The following RCOR1 variants were observed in gnomAD, a reference collection of about 807,000 sequenced individuals.
RCOR1 encodes the protein REST corepressor.
Under a neutral mutation model 64.0 loss-of-function variants are expected in RCOR1, and 12 were observed. That is an observed-to-expected ratio of 0.19 (90% CI 0.12 to 0.30). The LOEUF (loss-of-function observed/expected upper bound fraction) is 0.30. RCOR1 is among the 10% of genes least tolerant of loss of function. The pLI is 1.00. For missense variants in RCOR1, 502 were observed against 621.2 expected (o/e 0.81, Z 2.04); for synonymous variants, 279 against 227.2 (o/e 1.23, Z -2.05).
At chr14:102,619,786 A>T (rs753034450) in intron 2 of RCOR1, among the ~76,000 whole-genome samples, 2 of 152,010 alleles carry the variant, frequency 1.3e-5, no homozygotes, top group African/African-American at 2.4e-5. Flanking sequence ...TGGCCTGTTA[A>T]GTATTACCAT....
At chr14:102,679,062 T>TA (rs1437007547) in intron 2 of RCOR1, among the ~76,000 whole-genome samples, 2 of 152,226 alleles carry the variant, frequency 1.3e-5, no homozygotes, top group Non-Finnish European at 2.9e-5. Flanking sequence ...AATATTTTCT[T>TA]ACAGTCCGTA....
intron 2 of RCOR1, among the ~76,000 whole-genome samples, chr14:102,628,250 A>G (rs182831102): frequency 3.3e-4 from 50 of 152,306 alleles, no homozygotes; most frequent in African/African-American, 1.2e-3. Context: ...ACGGATTCAA[A>G]TGTTCATTTT....
chr14:102,696,831 T>TA (rs1555466796), intron 3 of RCOR1, among the ~76,000 whole-genome samples: 16 of 143,148 alleles, frequency 1.1e-4, no homozygotes, highest in African/African-American at 3.5e-4. Flanking sequence ...TTTTTTTTTT[T>TA]ATAAGGGTAG....
chr14:102,640,787 C>A (rs1203041963), intron 2 of RCOR1, among the ~76,000 whole-genome samples: 1 of 148,724 alleles, frequency 6.7e-6, no homozygotes, highest in Non-Finnish European at 1.5e-5. Context: ...ATAGTGAAAC[C>A]CCGTCTTACA....
chr14:102,678,076 G>T (rs113620868), intron 2 of RCOR1, among the ~76,000 whole-genome samples: 1 of 150,604 alleles, frequency 6.6e-6, no homozygotes, highest in African/African-American at 2.4e-5. Context: ...GGCGGCGCGC[G>T]CCTGCAATCG....
chr14:102,686,174 C>T (rs942457261), intron 3 of RCOR1, among the ~76,000 whole-genome samples: 12 of 152,114 alleles, frequency 7.9e-5, no homozygotes, highest in African/African-American at 2.7e-4. Flanking sequence ...AGTCATAGCT[C>T]ACTGCAGCCT....
intron 2 of RCOR1, among the ~76,000 whole-genome samples, chr14:102,637,067 A>G (rs1234133062): frequency 1.3e-5 from 2 of 151,946 alleles, no homozygotes; most frequent in Non-Finnish European, 2.9e-5. Flanking sequence ...TTTTCTTTTG[A>G]TGATTATATA....
At chr14:102,639,499 T>A (rs1375069980) in intron 2 of RCOR1, among the ~76,000 whole-genome samples, 21 of 23,460 alleles carry the variant, frequency 9.0e-4, no homozygotes, top group Non-Finnish European at 1.4e-3. Flanking sequence ...TTTTTAATTT[T>A]TATTTATTTA....
chr14:102,659,623 C>G (rs1346157413), intron 2 of RCOR1, among the ~76,000 whole-genome samples: 2 of 152,194 alleles, frequency 1.3e-5, no homozygotes, highest in Non-Finnish European at 2.9e-5. Context: ...TTTAAGTAAA[C>G]TCTATTTATG....
At chr14:102,712,319 A>G (rs1895977290) in intron 7 of RCOR1, among the ~76,000 whole-genome samples, 1 of 150,996 alleles carries the variant, frequency 6.6e-6, no homozygotes. Context: ...AGTAGCTGGG[A>G]TTATAGGCAC....
chr14:102,593,226 CCCGCGCCGCGCT>C (rs1893170739), intron 1 of RCOR1, 28 bp from the exon 2 acceptor site: 1 of 1,481,972 alleles, frequency 6.7e-7, no homozygotes. Context: ...GGCCCCGCGC[CCCGCGCCGCGCT>C]GACCGCCGTA....
At chr14:102,615,526 G>A (rs1054787822) in intron 2 of RCOR1, among the ~76,000 whole-genome samples, 4 of 146,226 alleles carry the variant, frequency 2.7e-5, no homozygotes. Context: ...TCGGCTCACC[G>A]CAACCTCCAC....
At chr14:102,653,377 C>T (rs1192184851) in intron 2 of RCOR1, among the ~76,000 whole-genome samples, 1 of 152,126 alleles carries the variant, frequency 6.6e-6, no homozygotes, top group Non-Finnish European at 1.5e-5. Context: ...CGCTACCGTG[C>T]CCAGCTAATT....
chr14:102,595,344 A>AT (rs1402523329), intron 2 of RCOR1, among the ~76,000 whole-genome samples: 1 of 152,148 alleles, frequency 6.6e-6, no homozygotes, highest in African/African-American at 2.4e-5. Flanking sequence ...TCAACAAAAA[A>AT]TAAAAAAATT....
intron 2 of RCOR1, among the ~76,000 whole-genome samples, chr14:102,635,863 T>C (rs1392558906): frequency 6.6e-6 from 1 of 152,154 alleles, no homozygotes; most frequent in Non-Finnish European, 1.5e-5. Context: ...AGATCACTTA[T>C]GCCCAGCAAT....
intron 2 of RCOR1, among the ~76,000 whole-genome samples, chr14:102,680,497 T>C (rs1162867954): frequency 6.6e-6 from 1 of 152,192 alleles, no homozygotes; most frequent in Non-Finnish European, 1.5e-5. Context: ...GTCAGAACTA[T>C]GTATATATCT....
chr14:102,706,184 C>CT (rs1300103758), intron 4 of RCOR1, among the ~76,000 whole-genome samples: 4 of 100,570 alleles, frequency 4.0e-5, no homozygotes, highest in Non-Finnish European at 8.1e-5. Context: ...ACATAAAAAA[C>CT]TTTAAGGAAT....
rs1188186929 is a variant in RCOR1 at position 102,639,653 on chromosome 14, C to T, written c.362-42242C>T. Among the ~76,000 whole-genome samples the T allele has an allele frequency of 2.0e-5, 3 of 151,202 alleles. No individual in the cohort carries two copies. In the East Asian group the frequency reaches 5.8e-4, roughly 29 times the overall value. ...GGTTCAAGAGATTCTCCTGCCTCAG[C>T]CTCCCTAGTAGCTGGGATTACAGGC... On this transcript the variant is annotated intron_variant, in intron 2 of 11. Coordinates refer to ENST00000262241, the MANE Select transcript of RCOR1 (RefSeq NM_015156.4).
chr14:102,710,808 A>G (rs1895941638), intron 6 of RCOR1, 127 bp from the exon 7 acceptor site: 2 of 671,588 alleles, frequency 3.0e-6, no homozygotes, highest in Non-Finnish European at 2.6e-6. Context: ...TACTAATTTT[A>G]TATTAAATCA....
Sources: gnomAD v4.1 joint callset for allele counts (sites outside exome capture counted in the v4.1 genomes callset) on GRCh38, gnomAD v4.1.1 for gene constraint, MANE v1.5 for transcripts, NCBI Gene and HGNC (gene_info 2026-07-23, HGNC 2026-07-21) for gene names.